IL1RL2: variants seen among roughly 807,000 people sequenced by gnomAD.
IL1RL2 encodes the protein interleukin 1 receptor like 2.
A neutral mutation model predicts 66.8 loss-of-function variants in IL1RL2; 68 were observed. The observed-to-expected ratio is 1.02, with a 90% CI of 0.84 to 1.25. The LOEUF (loss-of-function observed/expected upper bound fraction) is 1.25, where lower values mean the gene tolerates loss of function less well. IL1RL2 is among the 50% of genes most tolerant of loss of function. The pLI is 0.00. For synonymous variants in IL1RL2, 305 were observed against 264.6 expected (o/e 1.15, Z -1.48); for missense variants, 729 against 709.3 (o/e 1.03, Z -0.32).
intron 3 of IL1RL2, 39 bp downstream of exon 3, chr2:102,189,349 T>C (rs769762981): frequency 1.1e-5 from 13 of 1,211,764 alleles, no homozygotes; most frequent in Non-Finnish European, 1.3e-5. Flanking sequence ...CTCGTGTGTG[T>C]ATGTATAAAT....
At chr2:102,195,755 C>T (rs1687729453) in intron 4 of IL1RL2, among the ~76,000 whole-genome samples, 1 of 147,906 alleles carries the variant, frequency 6.8e-6, no homozygotes, top group Non-Finnish European at 1.5e-5. Flanking sequence ...AGTCTCTCTC[C>T]TAGGCTAGAG....
At chr2:102,202,171 T>C (rs1460514600) in intron 5 of IL1RL2, among the ~76,000 whole-genome samples, 1 of 152,122 alleles carries the variant, frequency 6.6e-6, no homozygotes, top group Non-Finnish European at 1.5e-5. Context: ...ATCCTGCTGC[T>C]CATGGACCTG....
chr2:102,219,899 G>T lies in IL1RL2; in HGVS notation c.873G>T (p.Arg291=). Residue 291 remains arginine (R), a synonymous_variant, in exon 8 of 12, where the codon CGG becomes CGT. Coordinates refer to ENST00000264257, the MANE Select transcript of IL1RL2 (RefSeq NM_003854.4). ...TTTATAGAACCCATGTCTCTTTTCG[G>T]GAACATAATTTGTACACAGTAAACA... The part of the protein sequence containing the change: ...REGVETHVSF[R]EHNLYTVNIT... The T allele has an allele frequency of 6.2e-7, 1 of 1,610,832 alleles. No individual in the cohort carries two copies. Among genetic ancestry groups the T allele is most frequent in the East Asian group, 2.2e-5 (1 of 44,816 alleles).
chr2:102,192,196 T>C, intron 4 of IL1RL2, 76 bp downstream of exon 4: 1 of 1,005,264 alleles, frequency 9.9e-7, no homozygotes, highest in African/African-American at 1.7e-5. Context: ...TTAAGTTGTA[T>C]TTTTTAAGGC....
At chr2:102,211,918 A>T (rs1195923135) in intron 5 of IL1RL2, among the ~76,000 whole-genome samples, 182 bp from the exon 6 acceptor site, 1 of 150,188 alleles carries the variant, frequency 6.7e-6, no homozygotes, top group East Asian at 1.9e-4. Flanking sequence ...CTTCTAGCTT[A>T]TTTTTTTTTT....
At position 102,192,102 on chromosome 2, in the gene IL1RL2, T is replaced by A; in HGVS notation, c.471T>A (p.Gly157=). The A allele has an allele frequency of 6.3e-7, 1 of 1,590,202 alleles. No homozygotes were observed. Among genetic ancestry groups the A allele is most frequent in the Non-Finnish European group, 8.5e-7 (1 of 1,172,708 alleles). The change falls in exon 4 of 12, where the codon GGT becomes GGA. Residue 157 remains glycine, a synonymous_variant. Transcript: ENST00000264257. The part of the protein sequence containing the change: ...HLHFPKSCVL[G]PIKWYKDCNE... ...ACTTCCCGAAGAGTTGTGTTTTGGG[T>A]CCAATAAAGTGGTATAAGGTAAAAA...
At chr2:102,201,496 T>C in intron 4 of IL1RL2, 60 bp from the exon 5 acceptor site, 1 of 1,506,988 alleles carries the variant, frequency 6.6e-7, no homozygotes, top group South Asian at 1.1e-5. Flanking sequence ...ACCTAAATAC[T>C]AGGGATCACA....
chr2:102,191,514 T>C (rs947529947), intron 3 of IL1RL2, among the ~76,000 whole-genome samples: 9 of 152,340 alleles, frequency 5.9e-5, no homozygotes, highest in African/African-American at 1.9e-4. Flanking sequence ...TCAGTCTTTG[T>C]TTTTCATGAT....
intron 6 of IL1RL2, 77 bp from the exon 7 acceptor site, chr2:102,218,876 A>G (rs1689845852): frequency 7.8e-7 from 1 of 1,284,982 alleles, no homozygotes; most frequent in Non-Finnish European, 1.1e-6. Flanking sequence ...AGTACGATGC[A>G]CTTGTAATCC....
chr2:102,214,645 A>G (rs939173324), intron 6 of IL1RL2, among the ~76,000 whole-genome samples: 1 of 152,204 alleles, frequency 6.6e-6, no homozygotes, highest in Non-Finnish European at 1.5e-5. Flanking sequence ...AGTTTAATAT[A>G]ATACCAATTA....
intron 4 of IL1RL2, among the ~76,000 whole-genome samples, chr2:102,195,559 C>CTCTTTCTTTCTTTCTTTCTTTCTT (rs1205396126): frequency 2.3e-5 from 1 of 43,684 alleles, no homozygotes. Flanking sequence ...TTCTTTCTTT[C>CTCTTTCTTTCTTTCTTTCTTTCTT]TCTTTCTTTC....
rs1267865400 is a variant in IL1RL2 at position 102,212,082 on chromosome 2, G to A, written c.650-18G>A. On this transcript the variant is annotated intron_variant, in intron 5 of 11. Transcript: ENST00000264257. ...ATACGTGATTCTAATGCAATTTCCT[G>A]TGGGTATGATTTCTTAGCAGAAAGA... 2.5e-6 allele frequency: 4 copies of A among 1,593,932 alleles called. No individual in the cohort carries two copies. The highest frequency in any genetic ancestry group is 3.4e-6 in the Non-Finnish European group (4 of 1,162,062).
intron 5 of IL1RL2, among the ~76,000 whole-genome samples, chr2:102,210,772 T>C (rs962778090): frequency 6.6e-6 from 1 of 152,046 alleles, no homozygotes; most frequent in Admixed American, 6.5e-5. Flanking sequence ...CATTGCTACG[T>C]TGAGTATGAG....
At chr2:102,199,106 TG>T (rs1688022173) in intron 4 of IL1RL2, among the ~76,000 whole-genome samples, 3 of 152,236 alleles carry the variant, frequency 2.0e-5, no homozygotes, top group Non-Finnish European at 2.9e-5. Context: ...TTCTGTGGAC[TG>T]GAACTGCTTA....
At chr2:102,218,291 A>T (rs192204393) in intron 6 of IL1RL2, among the ~76,000 whole-genome samples, 26 of 152,262 alleles carry the variant, frequency 1.7e-4, no homozygotes, top group Admixed American at 3.3e-4. Flanking sequence ...ATCATTTTTT[A>T]AAAAAATATC....
intron 6 of IL1RL2, among the ~76,000 whole-genome samples, chr2:102,217,281 T>G (rs1336231442): frequency 1.3e-5 from 2 of 152,184 alleles, no homozygotes; most frequent in African/African-American, 4.8e-5. Context: ...CTGAATATAA[T>G]ATCCTTTGTT....
chr2:102,195,052 A>G (rs1687548959), intron 4 of IL1RL2, among the ~76,000 whole-genome samples: 1 of 152,216 alleles, frequency 6.6e-6, no homozygotes, highest in Non-Finnish European at 1.5e-5. Context: ...GTTGTGTTGC[A>G]ATAACATTTT....
chr2:102,198,558 T>C (rs1271497913), intron 4 of IL1RL2, among the ~76,000 whole-genome samples: 5 of 152,256 alleles, frequency 3.3e-5, no homozygotes, highest in Non-Finnish European at 7.3e-5. Flanking sequence ...ATTTTCAACC[T>C]GATTGTGGCA....
intron 5 of IL1RL2, among the ~76,000 whole-genome samples, chr2:102,208,611 G>C (rs1688896976): frequency 6.6e-6 from 1 of 152,208 alleles, no homozygotes; most frequent in Non-Finnish European, 1.5e-5. Context: ...GAGTACTAGG[G>C]GAGACTGAGC....
Sources: gnomAD v4.1 joint callset for allele counts (sites outside exome capture counted in the v4.1 genomes callset) on GRCh38, gnomAD v4.1.1 for gene constraint, MANE v1.5 for transcripts, NCBI Gene and HGNC (gene_info 2026-07-23, HGNC 2026-07-21) for gene names.